GRIN1: variants seen among roughly 807,000 people sequenced by gnomAD.
GRIN1 encodes glutamate receptor ionotropic, NMDA 1.
Under a neutral mutation model 103.0 loss-of-function variants are expected in GRIN1, and 38 were observed. The observed-to-expected ratio is 0.37, with a 90% confidence interval of 0.28 to 0.48. The LOEUF (loss-of-function observed/expected upper bound fraction) is 0.48, where lower values mean the gene tolerates loss of function less well. GRIN1 is among the 20% of genes least tolerant of loss of function. The probability of loss-of-function intolerance (pLI) is 0.98; values close to 1 mark genes in which losing one functional copy is unlikely to be tolerated. For synonymous variants in GRIN1, 544 were observed against 532.7 expected (o/e 1.02, Z -0.29); for missense variants, 577 against 1,288.9 (o/e 0.45, Z 8.46).
chr9:137,158,455 G>A lies in GRIN1; in HGVS notation c.1045G>A (p.Ala349Thr), dbSNP rs148008303. 49 of 1,613,368 alleles carry A rather than the reference G, an allele frequency of 3.0e-5. No individual in the cohort carries two copies. The highest frequency in any genetic ancestry group is 6.7e-5 in the East Asian group (3 of 44,884). Reference sequence around the variant, plus strand: ...CAATGAGGATGGGGACCGGAAGTTCGCCAACTACAGCATCATGAACCTGCA... The same window carrying A: ...CAATGAGGATGGGGACCGGAAGTTCACCAACTACAGCATCATGAACCTGCA... ...EFNEDGDRKF[A>T]NYSIMNLQNR... The change falls in exon 7 of 20, where the codon GCC becomes ACC. Residue 349 changes from alanine (A) to threonine (T), a missense_variant. Physicochemically the swap from Ala to Thr is moderately conservative, Grantham distance 58. Coordinates refer to ENST00000371561, the MANE Select transcript of GRIN1 (RefSeq NM_007327.4).
At chr9:137,160,136 C>T (rs907128157) in intron 8 of GRIN1, among the ~76,000 whole-genome samples, 11 of 152,220 alleles carry the variant, frequency 7.2e-5, no homozygotes, top group African/African-American at 2.7e-4. Flanking sequence ...GAAGAGGCCA[C>T]GGCGCGGTGG....
intron 6 of GRIN1, 46 bp downstream of exon 6, chr9:137,157,083 G>A (rs752540589): frequency 6.6e-7 from 1 of 1,515,292 alleles, no homozygotes; most frequent in Non-Finnish European, 9.0e-7. Flanking sequence ...TCTTGGGGAG[G>A]TGGGCGGGGT....
At chr9:137,162,147 G>A in intron 11 of GRIN1, 25 bp from the exon 12 acceptor site, 7 of 1,542,016 alleles carry the variant, frequency 4.5e-6, no homozygotes, top group Non-Finnish European at 6.1e-6. Context: ...GGCCCGGGCC[G>A]CGCTGACCTC....
Position 137,146,020 on chromosome 9 carries a change from C to T in GRIN1, c.570+118C>T, listed in dbSNP as rs2131218329. ...TTTCCATCGTGCATGGTCAGCACCA[C>T]CACGTCTGGCGAGCGCCCGCCCCAG... On this transcript the variant is annotated intron_variant, in intron 3 of 19. Coordinates refer to ENST00000371561, the MANE Select transcript of GRIN1 (RefSeq NM_007327.4). This position sits in a 1 kb window ranked among gnomAD's most constrained non-coding sequence, Gnocchi z 6.7. 2.6e-6 allele frequency: 2 copies of T among 765,196 alleles called. No homozygotes were observed. Among genetic ancestry groups the T allele is most frequent in the Non-Finnish European group, 4.3e-6 (2 of 466,276 alleles). The allele number at this position is 765,196 out of a possible 1,614,324, so 47.4% of individuals were successfully genotyped here.
At position 137,162,634 on chromosome 9, in the gene GRIN1, G is replaced by T; in HGVS notation, c.1908G>T (p.Trp636Cys). ...SFSARILGMV[W>C]AGFAMIIVAS... ...CAGCGCGCATCCTGGGCATGGTGTG[G>T]GCCGGCTTTGCCATGATCATCGTGG... Residue 636 changes from tryptophan (W) to cysteine (C), a missense_variant, in exon 14 of 20, where the codon TGG becomes TGT. This residue lies in a region of GRIN1 where 4 missense variants were observed against 83.6 expected (regional missense o/e 0.05). Transcript: ENST00000371561. 1 of 1,612,736 alleles carries T rather than the reference G, an allele frequency of 6.2e-7. No homozygotes were observed. Among genetic ancestry groups the T allele is most frequent in the Non-Finnish European group, 8.5e-7 (1 of 1,179,784 alleles).
chr9:137,159,062 C>T (rs1458036279), intron 8 of GRIN1, among the ~76,000 whole-genome samples: 1 of 152,148 alleles, frequency 6.6e-6, no homozygotes, highest in Non-Finnish European at 1.5e-5. Context: ...CCTGGTCCTC[C>T]ACACCCCTCA....
chr9:137,156,736 T>A lies in GRIN1; in HGVS notation c.739T>A (p.Trp247Arg). The A allele has an allele frequency of 6.3e-7, 1 of 1,588,500 alleles. No homozygotes were observed. Among genetic ancestry groups the A allele is most frequent in the African/African-American group, 1.3e-5 (1 of 74,448 alleles). ...GAACATGACGGGCTCCGGGTACGTGTGGCTGGTCGGCGAGCGCGAGATCTC... is the reference window on the plus strand; with the variant it reads ...GAACATGACGGGCTCCGGGTACGTGAGGCTGGTCGGCGAGCGCGAGATCTC... ...MLNMTGSGYV[W>R]LVGEREISGN... The change falls in exon 5 of 20, where the codon TGG becomes AGG. Residue 247 changes from tryptophan (W) to arginine (R), a missense_variant. Coordinates refer to ENST00000371561, the MANE Select transcript of GRIN1 (RefSeq NM_007327.4).
chr9:137,166,618 G>A (rs1307553035), intron 19 of GRIN1, among the ~76,000 whole-genome samples: 2 of 152,274 alleles, frequency 1.3e-5, no homozygotes, highest in African/African-American at 4.8e-5. Flanking sequence ...CCCCAAGAGG[G>A]ACCCATGAGG....
In GRIN1 at chr9:137,161,053, C is replaced by T. The variant is rs200368768; in HGVS notation, c.1198-3C>T. ...CCAGGCTGGGTCTCCCCTTCCCCCCCAGATTGTGACGATCCACCAGGAGCC... is the reference window on the plus strand; with the variant it reads ...CCAGGCTGGGTCTCCCCTTCCCCCCTAGATTGTGACGATCCACCAGGAGCC... On this transcript the variant is annotated splice_region_variant and splice_polypyrimidine_tract_variant and intron_variant, in intron 8 of 19. Transcript: ENST00000371561. 5 of 1,612,690 alleles carry T rather than the reference C, an allele frequency of 3.1e-6. No individual in the cohort carries two copies. Among genetic ancestry groups the T allele is most frequent in the East Asian group, 4.5e-5 (2 of 44,882 alleles).
chr9:137,160,383 G>A (rs948385346), intron 8 of GRIN1, among the ~76,000 whole-genome samples: 6 of 152,130 alleles, frequency 3.9e-5, no homozygotes, highest in African/African-American at 1.2e-4. Flanking sequence ...ACCCCAGGAA[G>A]ATGCCTGGCA....
In GRIN1 at chr9:137,158,501, T is replaced by C; in HGVS notation, c.1091T>C (p.Val364Ala). Residue 364 changes from valine (V) to alanine (A), a missense_variant, in exon 7 of 20, where the codon GTG (valine) becomes GCG (alanine). This residue lies in a region of GRIN1 where 308 missense variants were observed against 553.6 expected (regional missense o/e 0.56). Transcript: ENST00000371561. ...CTGCAGAACCGCAAGCTGGTGCAAG[T>C]GGGCATCTACAATGGCACCCACGTA... The part of the protein sequence containing the change: ...MNLQNRKLVQ[V>A]GIYNGTHVIP... 6.2e-7 allele frequency: 1 copy of C among 1,612,244 alleles called. No individual in the cohort carries two copies.
At chr9:137,156,644 C>CCCGTCAT in intron 4 of GRIN1, 25 bp from the exon 5 acceptor site, 1 of 1,596,046 alleles carries the variant, frequency 6.3e-7, no homozygotes. Flanking sequence ...GGAGTCCTGG[C>CCCGTCAT]CCGTCATCCC....
intron 2 of GRIN1, among the ~76,000 whole-genome samples, chr9:137,144,528 G>T (rs566251906): frequency 6.6e-6 from 1 of 152,040 alleles, no homozygotes; most frequent in East Asian, 1.9e-4. Context: ...GGTGGCGGGC[G>T]CCTGTAGTCT....
In GRIN1 at chr9:137,142,206, A is replaced by G. The variant is rs1270997068; in HGVS notation, c.393+59A>G. ...CTCGGCCCCAGGGCACAGCCTGGCC[A>G]CTCCAGGAGCAGCGGGCCGACCCGC... On this transcript the variant is annotated intron_variant, in intron 2 of 19. Coordinates refer to ENST00000371561, the MANE Select transcript of GRIN1 (RefSeq NM_007327.4). The G allele has an allele frequency of 1.9e-6, 3 of 1,587,098 alleles. No individual in the cohort carries two copies. In the African/African-American group the frequency reaches 4.0e-5, roughly 21 times the overall value.
Position 137,165,229 on chromosome 9 carries a change from C to A in GRIN1, c.2633C>A (p.Ala878Asp). ...GCAGAGCCTGACCCTAAAAAGAAAG[C>A]CACATTTAGGGCTATCACCTCCACC... The part of the protein sequence containing the change: ...GRAEPDPKKK[A>D]TFRAITSTLA... Residue 878 changes from alanine to aspartate, a missense_variant, in exon 19 of 20, where the codon GCC becomes GAC. Physicochemically the swap from Ala to Asp is moderately radical, Grantham distance 126. Coordinates refer to ENST00000371561, the MANE Select transcript of GRIN1 (RefSeq NM_007327.4). 1 of 1,612,488 alleles carries A rather than the reference C, an allele frequency of 6.2e-7. No individual in the cohort carries two copies. Among genetic ancestry groups the A allele is most frequent in the Non-Finnish European group, 8.5e-7 (1 of 1,179,306 alleles).
chr9:137,168,618 C>A lies in GRIN1; in HGVS notation c.*1091C>A. 1 of 339,676 alleles carries A rather than the reference C, an allele frequency of 2.9e-6. No individual in the cohort carries two copies. Among genetic ancestry groups the A allele is most frequent in the Non-Finnish European group, 5.2e-6 (1 of 191,170 alleles). 21.0% of individuals were successfully genotyped at this position (339,676 alleles called of 1,614,324 possible). ...CCACCTTGTACAGAACCAGCACTCC[C>A]AGGGCCCGAGCGCGTGCCTTCCCCG... On this transcript the variant is annotated 3_prime_UTR_variant, in exon 20 of 20. Transcript: ENST00000371561.
At position 137,168,045 on chromosome 9, in the gene GRIN1, G is replaced by A; in HGVS notation, c.*518G>A. On this transcript the variant is annotated 3_prime_UTR_variant, in exon 20 of 20. Coordinates refer to ENST00000371561, the MANE Select transcript of GRIN1 (RefSeq NM_007327.4). Reference sequence around the variant, plus strand: ...GACCGGAGCGGCTGAGGACGGGGCAGAGCTGAGTCGGCTGGGCAGGGCCGC... The same window carrying A: ...GACCGGAGCGGCTGAGGACGGGGCAAAGCTGAGTCGGCTGGGCAGGGCCGC... The A allele has an allele frequency of 1.6e-6, 1 of 623,778 alleles. No homozygotes were observed. The highest frequency in any genetic ancestry group is 2.9e-6 in the Non-Finnish European group (1 of 350,028). The allele number at this position is 623,778 out of a possible 1,614,324, so 38.6% of individuals were successfully genotyped here. A position where few individuals can be genotyped will look rare whatever the true frequency, so the allele number is the denominator to read the frequency against.
At chr9:137,143,541 G>C (rs1832291120) in intron 2 of GRIN1, among the ~76,000 whole-genome samples, 1 of 152,068 alleles carries the variant, frequency 6.6e-6, no homozygotes, top group South Asian at 2.1e-4. Context: ...GGGGGAAACG[G>C]ATGCCCCTGG....
At chr9:137,165,108 G>A in intron 18 of GRIN1, 78 bp from the exon 19 acceptor site, 10 of 1,034,608 alleles carry the variant, frequency 9.7e-6, no homozygotes, top group Non-Finnish European at 1.5e-5. Context: ...AGGCTGGGCA[G>A]CGGCCCATGC....
Sources: allele counts gnomAD v4.1 joint callset (sites outside exome capture counted in the v4.1 genomes callset), GRCh38; gene constraint gnomAD v4.1.1; regional missense constraint gnomAD v4.1.1; non-coding constraint Gnocchi (gnomAD v3.1); transcripts MANE v1.5; gene names NCBI Gene and HGNC (gene_info 2026-07-23, HGNC 2026-07-21).